The following GPBP1 variants were observed in gnomAD, a reference collection of about 807,000 sequenced individuals.
The protein encoded by GPBP1 is vasculin.
GPBP1 carries 13 observed loss-of-function variants against 56.5 expected under a neutral mutation model. The observed-to-expected ratio is 0.23, with a 90% CI of 0.15 to 0.37. The LOEUF (loss-of-function observed/expected upper bound fraction) is 0.37, where lower values mean the gene tolerates loss of function less well. GPBP1 is among the 10% of genes least tolerant of loss of function. GPBP1 has a pLI of 1.00. For synonymous variants in GPBP1, 204 were observed against 188.9 expected (o/e 1.08, Z -0.66); for missense variants, 477 against 572.3 (o/e 0.83, Z 1.70).
chr5:57,230,270 A>G (rs1003841685), intron 3 of GPBP1, among the ~76,000 whole-genome samples: 1 of 152,166 alleles, frequency 6.6e-6, no homozygotes, highest in Non-Finnish European at 1.5e-5. Context: ...GGAAGTTTTG[A>G]TTGTGGTTTT....
intron 10 of GPBP1, among the ~76,000 whole-genome samples, chr5:57,256,412 T>A (rs939859205): frequency 1.3e-5 from 2 of 152,192 alleles, no homozygotes; most frequent in Non-Finnish European, 2.9e-5. Flanking sequence ...TTTTTGAGAC[T>A]TTATAGATTA....
intron 2 of GPBP1, among the ~76,000 whole-genome samples, chr5:57,204,947 T>A (rs1002280411): frequency 1.3e-5 from 2 of 152,240 alleles, no homozygotes; most frequent in Non-Finnish European, 2.9e-5. Context: ...CTCTACTTAC[T>A]TTTATTAAAG....
chr5:57,228,253 G>C (rs895528930), intron 3 of GPBP1, among the ~76,000 whole-genome samples: 1 of 152,062 alleles, frequency 6.6e-6, no homozygotes, highest in Non-Finnish European at 1.5e-5. Flanking sequence ...TCAGGAGTTC[G>C]AGACCAGCCT....
intron 2 of GPBP1, among the ~76,000 whole-genome samples, chr5:57,182,606 C>G (rs935355849): frequency 3.3e-5 from 5 of 151,392 alleles, no homozygotes; most frequent in Admixed American, 6.6e-5. Context: ...CTCCTGACCT[C>G]GTGATCCACC....
intron 1 of GPBP1, 80 bp from the exon 2 acceptor site, chr5:57,175,368 G>C: frequency 2.5e-6 from 1 of 394,936 alleles, no homozygotes; most frequent in East Asian, 3.6e-5. Context: ...CTCTCCAGAG[G>C]TTGACTTTTT....
intron 9 of GPBP1, among the ~76,000 whole-genome samples, chr5:57,250,050 G>A (rs1741309435): frequency 1.8e-5 from 2 of 113,480 alleles, no homozygotes; most frequent in Admixed American, 2.0e-4. Context: ...ATCTTGGGCT[G>A]CAGCAGACTC....
At position 57,249,438 on chromosome 5, in the gene GPBP1, T is replaced by G. The variant is rs1741255601; in HGVS notation, c.834T>G (p.Val278=). 4 of 1,606,174 alleles carry G rather than the reference T, an allele frequency of 2.5e-6. No individual in the cohort carries two copies. Among genetic ancestry groups the G allele is most frequent in the Non-Finnish European group, 2.5e-6 (3 of 1,177,434 alleles). Residue 278 remains valine (V), a synonymous_variant, in exon 9 of 12, where the codon GTT becomes GTG. Coordinates refer to ENST00000506184, the MANE Select transcript of GPBP1 (RefSeq NM_022913.4). ...ATCGCTCAAATTCCTCTTCTCCTGT[T>G]GACAAACTTAATCAGCAGCCTCGTC... ...ECNRSNSSSP[V]DKLNQQPRLT...
At chr5:57,205,439 G>A (rs931055175) in intron 2 of GPBP1, among the ~76,000 whole-genome samples, 4 of 152,056 alleles carry the variant, frequency 2.6e-5, no homozygotes, top group East Asian at 3.9e-4. Context: ...ACCTAGCAAT[G>A]GTATTTCTGA....
At chr5:57,227,557 T>G (rs1056063980) in intron 3 of GPBP1, among the ~76,000 whole-genome samples, 27 of 152,320 alleles carry the variant, frequency 1.8e-4, no homozygotes, top group African/African-American at 6.3e-4. Context: ...CATGGGCCGT[T>G]TCTTGGTTGT....
intron 9 of GPBP1, among the ~76,000 whole-genome samples, 195 bp from the exon 10 acceptor site, chr5:57,250,759 C>T (rs1229139983): frequency 6.6e-6 from 1 of 151,584 alleles, no homozygotes; most frequent in Non-Finnish European, 1.5e-5. Flanking sequence ...TGGCCAGGCT[C>T]GTCGCAAACT....
At chr5:57,181,507 C>T (rs112411600) in intron 2 of GPBP1, among the ~76,000 whole-genome samples, 87 of 150,188 alleles carry the variant, frequency 5.8e-4, no homozygotes, top group African/African-American at 2.1e-3. Context: ...GGCATGGTGG[C>T]TTATGCCTAT....
intron 3 of GPBP1, among the ~76,000 whole-genome samples, chr5:57,228,052 A>C (rs1382367400): frequency 6.6e-6 from 1 of 152,254 alleles, no homozygotes; most frequent in Non-Finnish European, 1.5e-5. Context: ...TTGTAAGTGC[A>C]ACAAAGACTT....
chr5:57,192,616 G>C (rs910561159), intron 2 of GPBP1, among the ~76,000 whole-genome samples: 3 of 152,052 alleles, frequency 2.0e-5, no homozygotes, highest in Admixed American at 6.6e-5. Flanking sequence ...AGCCTGGCGT[G>C]ATGGTGAATG....
rs1312331311 is a variant in GPBP1 at position 57,175,882 on chromosome 5, A to C, written c.-576A>C. On this transcript the variant is annotated 5_prime_UTR_variant, in exon 2 of 12. Transcript: ENST00000506184. ...GAAAGTTTTAGGAATTTTTGACTTCAGCTCTTTCATGTCACAATGGGACAC... is the reference window on the plus strand; with the variant it reads ...GAAAGTTTTAGGAATTTTTGACTTCCGCTCTTTCATGTCACAATGGGACAC... The C allele has an allele frequency of 5.0e-6, 2 of 398,012 alleles. No individual in the cohort carries two copies. The highest frequency in any genetic ancestry group is 8.9e-6 in the Non-Finnish European group (2 of 225,908). The allele number at this position is 398,012 out of a possible 1,614,324, so 24.7% of individuals were successfully genotyped here. A position where few individuals can be genotyped will look rare whatever the true frequency, so the allele number is the denominator to read the frequency against.
intron 6 of GPBP1, among the ~76,000 whole-genome samples, chr5:57,239,753 C>T (rs991581900): frequency 6.6e-6 from 1 of 152,166 alleles, no homozygotes; most frequent in African/African-American, 2.4e-5. Context: ...GCACTCCAGC[C>T]TGGGCGACAA....
intron 2 of GPBP1, among the ~76,000 whole-genome samples, chr5:57,197,880 A>C (rs1396390516): frequency 6.6e-6 from 1 of 152,010 alleles, no homozygotes; most frequent in African/African-American, 2.4e-5. Context: ...GTTCATATTT[A>C]AGAATGAGGC....
intron 10 of GPBP1, among the ~76,000 whole-genome samples, chr5:57,258,565 G>A (rs997300342): frequency 3.9e-5 from 6 of 152,190 alleles, no homozygotes; most frequent in Admixed American, 2.0e-4. Context: ...TCATATGTGC[G>A]GTTGTCTGAC....
At chr5:57,204,822 G>A (rs187963392) in intron 2 of GPBP1, among the ~76,000 whole-genome samples, 1 of 152,134 alleles carries the variant, frequency 6.6e-6, no homozygotes, top group East Asian at 1.9e-4. Flanking sequence ...TAATTTTTTG[G>A]GGGAATGAGG....
chr5:57,186,528 T>A (rs1041357357), intron 2 of GPBP1, among the ~76,000 whole-genome samples: 3 of 152,162 alleles, frequency 2.0e-5, no homozygotes, highest in Non-Finnish European at 4.4e-5. Flanking sequence ...AGGTCTTTGA[T>A]TCATTTTGAA....
Sources: gnomAD v4.1 joint callset for allele counts (sites outside exome capture counted in the v4.1 genomes callset) on GRCh38, gnomAD v4.1.1 for gene constraint, MANE v1.5 for transcripts, NCBI Gene and HGNC (gene_info 2026-07-23, HGNC 2026-07-21) for gene names.